The following PHYHIP variants were observed in gnomAD, a reference collection of about 807,000 sequenced individuals.
The protein encoded by PHYHIP is phytanoyl-CoA 2-hydroxylase interacting protein.
Under a neutral mutation model 26.1 loss-of-function variants are expected in PHYHIP, and 7 were observed. The ratio of observed to expected loss-of-function variants is 0.27; its 90% CI spans 0.15 to 0.50. The LOEUF is 0.50. Ranked by LOEUF, PHYHIP falls within the 20% of genes least tolerant of loss-of-function variation. PHYHIP has a pLI of 0.98. For synonymous variants in PHYHIP, 206 were observed against 183.4 expected, an observed-to-expected ratio of 1.12 and a Z score of -1.00; for missense variants, 232 against 454.7, an observed-to-expected ratio of 0.51 and a Z score of 4.45.
intron 4 of PHYHIP, among the ~76,000 whole-genome samples, chr8:22,223,123 G>T (rs1429566303): frequency 6.6e-6 from 1 of 152,132 alleles, no homozygotes; most frequent in African/African-American, 2.4e-5. Flanking sequence ...AGGACCTTGG[G>T]AGGCCGAGGT....
At chr8:22,226,415 A>T in intron 3 of PHYHIP, among the ~76,000 whole-genome samples, 1 of 152,138 alleles carries the variant, frequency 6.6e-6, no homozygotes, top group Non-Finnish European at 1.5e-5. Context: ...ATGGGTATAG[A>T]GTTTTGGTTT....
chr8:22,231,420 G>A (rs532430521), intron 1 of PHYHIP, among the ~76,000 whole-genome samples: 17 of 152,314 alleles, frequency 1.1e-4, no homozygotes, highest in South Asian at 1.0e-3. Flanking sequence ...GCGGACAGAC[G>A]GACCTATCTG....
chr8:22,230,372 G>A (rs548158875), intron 1 of PHYHIP, among the ~76,000 whole-genome samples: 18 of 152,192 alleles, frequency 1.2e-4, no homozygotes, highest in Admixed American at 3.3e-4. Flanking sequence ...TGTGTTTGGC[G>A]GTAGGGGTCT....
chr8:22,231,432 G>A (rs1829863414), intron 1 of PHYHIP, among the ~76,000 whole-genome samples: 1 of 152,110 alleles, frequency 6.6e-6, no homozygotes. Context: ...ACCTATCTGC[G>A]CCAGCAAGCC....
Position 22,221,090 on chromosome 8 carries a change from A to G in PHYHIP, c.*263T>C, listed in dbSNP as rs1009021611. On this transcript the variant is annotated 3_prime_UTR_variant, in exon 5 of 5. Transcript: ENST00000454243. The surrounding 1 kb of genome is among the most constrained non-coding windows in gnomAD (Gnocchi z 7.9). Reference sequence around the variant, plus strand: ...ACAGTAGGACAAGGAAACCAGAGGAAAGGGGAAGTTCTCCAGAAGTCCAGC... The same window carrying G: ...ACAGTAGGACAAGGAAACCAGAGGAGAGGGGAAGTTCTCCAGAAGTCCAGC... 8.9e-6 allele frequency: 4 copies of G among 450,824 alleles called. No homozygotes were observed. Among genetic ancestry groups the G allele is most frequent in the South Asian group, 1.1e-4 (2 of 18,228 alleles). 27.9% of individuals were successfully genotyped at this position (450,824 alleles called of 1,614,324 possible). A position where few individuals can be genotyped will look rare whatever the true frequency, so the allele number is the denominator to read the frequency against.
At chr8:22,231,225 T>C (rs975184832) in intron 1 of PHYHIP, among the ~76,000 whole-genome samples, 5 of 151,792 alleles carry the variant, frequency 3.3e-5, no homozygotes, top group African/African-American at 9.7e-5. Flanking sequence ...CCTGTCTGCA[T>C]ACACTCCCAC....
At chr8:22,226,605 T>C (rs1472791196) in intron 3 of PHYHIP, among the ~76,000 whole-genome samples, 1 of 152,172 alleles carries the variant, frequency 6.6e-6, no homozygotes, top group Non-Finnish European at 1.5e-5. Flanking sequence ...CCTTTCTTAA[T>C]GGAAGTGGTC....
chr8:22,228,577 C>T (rs1041166217), intron 1 of PHYHIP, 191 bp from the exon 2 acceptor site: 7 of 495,816 alleles, frequency 1.4e-5, no homozygotes, highest in African/African-American at 3.9e-5. Flanking sequence ...GGTGCCTGCC[C>T]GGGGGGCTCT....
intron 3 of PHYHIP, 96 bp from the exon 4 acceptor site, chr8:22,224,439 A>G: frequency 1.4e-6 from 1 of 735,788 alleles, no homozygotes; most frequent in East Asian, 2.5e-5. Flanking sequence ...TGTGCCGGCC[A>G]ACCTCTGTCC....
At chr8:22,224,168 G>A (rs1829693269) in intron 4 of PHYHIP, 58 bp downstream of exon 4, 1 of 1,016,296 alleles carries the variant, frequency 9.8e-7, no homozygotes, top group Admixed American at 1.7e-5. Context: ...GACAGGAGCA[G>A]GAAGGGCTGG....
At chr8:22,222,942 C>T (rs1388711447) in intron 4 of PHYHIP, among the ~76,000 whole-genome samples, 4 of 152,180 alleles carry the variant, frequency 2.6e-5, no homozygotes, top group African/African-American at 7.2e-5. Flanking sequence ...GATCCCATCT[C>T]GGCCTCCCAA....
At chr8:22,224,087 G>A (rs1829691519) in intron 4 of PHYHIP, 139 bp downstream of exon 4, 2 of 658,464 alleles carry the variant, frequency 3.0e-6, no homozygotes, top group Non-Finnish European at 5.5e-6. Flanking sequence ...CCAGCCTGGT[G>A]ACGTCAGGAC....
At chr8:22,223,332 A>G (rs1261711661) in intron 4 of PHYHIP, among the ~76,000 whole-genome samples, 2 of 148,204 alleles carry the variant, frequency 1.3e-5, no homozygotes, top group East Asian at 4.0e-4. Context: ...CCTGCACTCC[A>G]GCCTGGGTGA....
At chr8:22,224,073 A>G (rs997894803) in intron 4 of PHYHIP, 153 bp downstream of exon 4, 36 of 638,854 alleles carry the variant, frequency 5.6e-5, no homozygotes, top group Non-Finnish European at 9.5e-5. Context: ...CAGTCTCTTC[A>G]GAGCCAGCCT....
intron 1 of PHYHIP, among the ~76,000 whole-genome samples, chr8:22,230,957 G>A (rs1237173312): frequency 3.3e-5 from 5 of 152,090 alleles, no homozygotes; most frequent in Non-Finnish European, 5.9e-5. Context: ...CAACCCACAC[G>A]CCTGCCGGCA....
At chr8:22,223,360 CAA>C (rs750178076) in intron 4 of PHYHIP, among the ~76,000 whole-genome samples, 889 of 62,054 alleles carry the variant, frequency 0.014, 5 homozygotes, top group African/African-American at 0.027. Context: ...GACGCCATCT[CAA>C]AAAAAAAAAA....
chr8:22,221,906 C>G lies in PHYHIP; in HGVS notation c.459-19G>C, dbSNP rs368643269. Reference sequence around the variant, plus strand: ...GTGGGTCCTGCCCACCCCAGGGAGACACACCAAAGGGAAGAGAAGATGTGG... The same window carrying G: ...GTGGGTCCTGCCCACCCCAGGGAGAGACACCAAAGGGAAGAGAAGATGTGG... On this transcript the variant is annotated intron_variant, in intron 4 of 4. Coordinates refer to ENST00000454243, the MANE Select transcript of PHYHIP (RefSeq NM_014759.5). This position sits in a 1 kb window ranked among gnomAD's most constrained non-coding sequence, Gnocchi z 7.9. 2.2e-3 allele frequency: 3,345 copies of G among 1,487,226 alleles called. 7 individuals are homozygous for G. The highest frequency in any genetic ancestry group is 2.7e-3 in the Non-Finnish European group (2,963 of 1,116,354). The allele number at this position is 1,487,226 out of a possible 1,614,324, so 92.1% of individuals were successfully genotyped here. A position where few individuals can be genotyped will look rare whatever the true frequency, so the allele number is the denominator to read the frequency against.
chr8:22,228,413 A>C, intron 1 of PHYHIP, 27 bp from the exon 2 acceptor site: 2 of 1,391,168 alleles, frequency 1.4e-6, no homozygotes, highest in East Asian at 2.5e-5. Flanking sequence ...GGGTCAGTAC[A>C]TCCCTTGACC....
At position 22,228,053 on chromosome 8, in the gene PHYHIP, C is replaced by T. The variant is rs1829787154; in HGVS notation, c.165+140G>A. 4 of 720,140 alleles carry T rather than the reference C, an allele frequency of 5.6e-6. No individual in the cohort carries two copies. The Admixed American group carries it at 9.9e-5, about 18-fold the overall frequency. The allele number at this position is 720,140 out of a possible 1,614,324, so 44.6% of individuals were successfully genotyped here. ...GCTCAGGCTCAGAGAGGTCAAGTAACTTTCCCAAAATGACACAGGAAGAAG... is the reference window on the plus strand; with the variant it reads ...GCTCAGGCTCAGAGAGGTCAAGTAATTTTCCCAAAATGACACAGGAAGAAG... On this transcript the variant is annotated intron_variant, in intron 2 of 4. Transcript: ENST00000454243.
Sources: allele counts gnomAD v4.1 joint callset (sites outside exome capture counted in the v4.1 genomes callset), GRCh38; gene constraint gnomAD v4.1.1; non-coding constraint Gnocchi (gnomAD v3.1); transcripts MANE v1.5; gene names NCBI Gene and HGNC (gene_info 2026-07-23, HGNC 2026-07-21).